The following DLC1 variants were observed in gnomAD, a reference collection of about 807,000 sequenced individuals.
The protein encoded by DLC1 is rho GTPase-activating protein 7.
DLC1 carries 54 observed loss-of-function variants against 140.3 expected under a neutral mutation model. That is an observed-to-expected ratio of 0.38 (90% CI 0.31 to 0.48). DLC1 has a LOEUF of 0.48. Among genes scored for constraint, DLC1 ranks in the 20% least tolerant of loss-of-function variants. The pLI, the probability that DLC1 is intolerant of heterozygous loss-of-function variation, is 0.96. For synonymous variants in DLC1, 986 were observed against 728.1 expected (o/e 1.35, Z -5.70); for missense variants, 2,536 against 1,907.0 (o/e 1.33, Z -6.14).
chr8:13,602,205 A>G (rs1053678907), intron 1 of DLC1, among the ~76,000 whole-genome samples: 8 of 151,866 alleles, frequency 5.3e-5, no homozygotes, highest in African/African-American at 1.7e-4. Flanking sequence ...TGTATAAGAC[A>G]AAAATTTAGG....
chr8:13,524,310 G>A (rs1455101538), intron 1 of DLC1, among the ~76,000 whole-genome samples: 1 of 151,596 alleles, frequency 6.6e-6, no homozygotes, highest in East Asian at 1.9e-4. Context: ...GCTAATTTTT[G>A]TATTTTTAGT....
intron 5 of DLC1, among the ~76,000 whole-genome samples, chr8:13,184,812 G>A (rs187555178): frequency 6.6e-6 from 1 of 152,262 alleles, no homozygotes; most frequent in Admixed American, 6.5e-5. Flanking sequence ...TGTCTATTAG[G>A]TCTGCTTGTT....
rs778635590 is a variant in DLC1, at chr8:13,499,952, C to A, written c.120G>T (p.Leu40Phe). The A allele has an allele frequency of 5.6e-6, 9 of 1,614,096 alleles. No individual in the cohort carries two copies. The highest frequency in any genetic ancestry group is 1.7e-5 in the Admixed American group (1 of 60,014). The change falls in exon 2 of 18, where the codon TTG becomes TTT. Residue 40 changes from leucine (L) to phenylalanine (F), a missense_variant. Coordinates refer to ENST00000276297, the MANE Select transcript of DLC1 (RefSeq NM_182643.3). Reference protein sequence around the residue: ...ACHHGLVADSLQASMEKDATL... With the variant: ...ACHHGLVADSFQASMEKDATL... ...TTGCATCTTTTTCCATACTTGCCTG[C>A]AAGCTGTCAGCTACTAGTCCATGAT...
chr8:13,258,870 G>C (rs1207542009), intron 5 of DLC1, among the ~76,000 whole-genome samples: 1 of 152,130 alleles, frequency 6.6e-6, no homozygotes, highest in Non-Finnish European at 1.5e-5. Context: ...GGGCGCGGTG[G>C]CTCACGCCTG....
intron 1 of DLC1, among the ~76,000 whole-genome samples, chr8:13,603,479 G>A (rs1192837148): frequency 2.0e-5 from 3 of 151,680 alleles, no homozygotes; most frequent in African/African-American, 7.3e-5. Context: ...TAAAATTAGG[G>A]TATTGTAAGA....
intron 10 of DLC1, chr8:13,096,014 C>T (rs1488202351): frequency 3.3e-5 from 5 of 152,184 alleles, no homozygotes; most frequent in Non-Finnish European, 5.9e-5. Flanking sequence ...AAACCAGGTC[C>T]ACCCCAGCAC....
intron 5 of DLC1, among the ~76,000 whole-genome samples, chr8:13,260,402 A>G (rs1830428278): frequency 6.6e-6 from 1 of 152,230 alleles, no homozygotes; most frequent in Admixed American, 6.5e-5. Flanking sequence ...TGGACAGGAC[A>G]GGATTTTGTG....
At chr8:13,207,507 T>A (rs1585911118) in intron 5 of DLC1, among the ~76,000 whole-genome samples, 1 of 152,296 alleles carries the variant, frequency 6.6e-6, no homozygotes. Context: ...TTCTGTCATA[T>A]TTTTTATCCT....
At chr8:13,497,886 G>T (rs1487973904) in intron 2 of DLC1, among the ~76,000 whole-genome samples, 1 of 152,194 alleles carries the variant, frequency 6.6e-6, no homozygotes, top group Non-Finnish European at 1.5e-5. Flanking sequence ...TGTGGACACT[G>T]ATTTTTGCTG....
At chr8:13,516,048 A>G (rs1802574954), upstream of DLC1, among the ~76,000 whole-genome samples, 2 of 152,208 alleles carry the variant, frequency 1.3e-5, no homozygotes, top group South Asian at 4.1e-4. Flanking sequence ...CCAGGGAAGC[A>G]GGAAACAGCA....
chr8:13,560,579 T>C (rs1804206460), intron 1 of DLC1, among the ~76,000 whole-genome samples: 1 of 152,248 alleles, frequency 6.6e-6, no homozygotes, highest in African/African-American at 2.4e-5. Context: ...GCCTTTAATC[T>C]GGTTTTCATA....
At chr8:13,597,354 A>G (rs1415243057) in intron 1 of DLC1, among the ~76,000 whole-genome samples, 2 of 151,956 alleles carry the variant, frequency 1.3e-5, no homozygotes, top group South Asian at 2.1e-4. Context: ...TGCTTCTCCC[A>G]TTTCTTACAA....
At chr8:13,161,161 T>C (rs1824666118) in intron 5 of DLC1, among the ~76,000 whole-genome samples, 1 of 152,170 alleles carries the variant, frequency 6.6e-6, no homozygotes, top group Non-Finnish European at 1.5e-5. Flanking sequence ...AATTAATCTC[T>C]TTCCTCACCC....
chr8:13,344,958 G>A (rs184054699), intron 4 of DLC1, among the ~76,000 whole-genome samples: 194 of 152,224 alleles, frequency 1.3e-3, no homozygotes, highest in African/African-American at 4.3e-3. Flanking sequence ...ATAATGAGGG[G>A]ATAAAGGGGA....
chr8:13,142,130 G>T (rs1823046044), intron 5 of DLC1, among the ~76,000 whole-genome samples: 1 of 152,190 alleles, frequency 6.6e-6, no homozygotes, highest in African/African-American at 2.4e-5. Context: ...GAAGTTACTT[G>T]CTTCTGCTTC....
At chr8:13,544,794 G>A in intron 1 of DLC1, among the ~76,000 whole-genome samples, 1 of 152,084 alleles carries the variant, frequency 6.6e-6, no homozygotes, top group East Asian at 1.9e-4. Context: ...GTAAATTTTG[G>A]GAGTAAGCTT....
At chr8:13,293,953 G>A (rs1831853706) in intron 5 of DLC1, among the ~76,000 whole-genome samples, 1 of 152,090 alleles carries the variant, frequency 6.6e-6, no homozygotes, top group African/African-American at 2.4e-5. Flanking sequence ...AGCCAAAAAG[G>A]GTAATGTTGT....
chr8:13,422,847 C>G (rs1452654080), intron 2 of DLC1, among the ~76,000 whole-genome samples: 1 of 151,264 alleles, frequency 6.6e-6, no homozygotes, highest in Admixed American at 6.6e-5. Flanking sequence ...GCTATTAAAG[C>G]AAACAAAACA....
chr8:13,363,387 TA>T (rs397942441), intron 4 of DLC1, among the ~76,000 whole-genome samples: 1 of 145,784 alleles, frequency 6.9e-6, no homozygotes, highest in Non-Finnish European at 1.5e-5. Context: ...TTTTTTTTTT[TA>T]AACTTTATGG....
Sources: allele counts gnomAD v4.1 joint callset (sites outside exome capture counted in the v4.1 genomes callset), GRCh38; gene constraint gnomAD v4.1.1; transcripts MANE v1.5; gene names NCBI Gene and HGNC (gene_info 2026-07-23, HGNC 2026-07-21).